Variants in TCP11L2 observed in about 807,000 individuals in gnomAD.
TCP11L2 encodes t-complex 11 like 2.
TCP11L2 carries 39 observed loss-of-function variants against 50.7 expected under a neutral mutation model. The ratio of observed to expected loss-of-function variants is 0.77; its 90% CI spans 0.60 to 1.01. The LOEUF (loss-of-function observed/expected upper bound fraction) is 1.01. Among genes scored for constraint, TCP11L2 ranks in the 50% least tolerant of loss-of-function variants. TCP11L2 has a pLI of 0.00. For missense variants in TCP11L2, 612 were observed against 614.7 expected, an observed-to-expected ratio of 1.00 and a Z score of 0.05; for synonymous variants, 192 against 219.3, an observed-to-expected ratio of 0.88 and a Z score of 1.10.
At chr12:106,334,459 A>G (rs1803920479) in intron 6 of TCP11L2, among the ~76,000 whole-genome samples, 1 of 152,116 alleles carries the variant, frequency 6.6e-6, no homozygotes, top group Admixed American at 6.5e-5. Flanking sequence ...AGTGGTCACC[A>G]AGACCTGTGG....
chr12:106,318,295 A>G (rs1010585251), intron 3 of TCP11L2, 49 bp from the exon 4 acceptor site: 4 of 1,586,310 alleles, frequency 2.5e-6, no homozygotes, highest in African/African-American at 2.7e-5. Context: ...TTTTATAATC[A>G]GGAAAAAGTT....
chr12:106,322,221 AG>A (rs1391562830), intron 5 of TCP11L2, among the ~76,000 whole-genome samples: 1 of 152,182 alleles, frequency 6.6e-6, no homozygotes, highest in Non-Finnish European at 1.5e-5. Context: ...CGTGTCATCC[AG>A]GGACCCAGCC....
Position 106,315,293 on chromosome 12 carries a change from A to G in TCP11L2, c.293+800A>G, listed in dbSNP as rs78576587. Among the ~76,000 whole-genome samples, 1,047 of 152,286 alleles carry G rather than the reference A, an allele frequency of 6.9e-3. 20 individuals carry two copies. The highest frequency in any genetic ancestry group is 0.024 in the African/African-American group (1,007 of 41,554). On this transcript the variant is annotated intron_variant, in intron 3 of 9. Transcript: ENST00000299045. ...TCCCCTAGGATACATATTACCCATA[A>G]TCTTTAGAACTCAGTTTATATGTCA... is the stretch of plus-strand genomic sequence containing the variant.
chr12:106,346,669 T>C lies in TCP11L2; in HGVS notation c.*139T>C. Reference sequence around the variant, plus strand: ...CCCAAATCTGTGTAATGGGTAATATTAGCATTACAGAAGACACACACATCA... The same window carrying C: ...CCCAAATCTGTGTAATGGGTAATATCAGCATTACAGAAGACACACACATCA... On this transcript the variant is annotated 3_prime_UTR_variant, in exon 10 of 10. Transcript: ENST00000299045. The C allele has an allele frequency of 9.6e-7, 1 of 1,037,670 alleles. No homozygotes were observed. The highest frequency in any genetic ancestry group is 1.4e-6 in the Non-Finnish European group (1 of 739,230). 64.3% of individuals were successfully genotyped at this position (1,037,670 alleles called of 1,614,324 possible).
upstream of TCP11L2, among the ~76,000 whole-genome samples, chr12:106,299,246 G>A (rs1254098777): frequency 1.3e-5 from 2 of 152,090 alleles, no homozygotes; most frequent in Non-Finnish European, 2.9e-5. Flanking sequence ...TTTTTAATGA[G>A]CCATAAGACC....
intron 4 of TCP11L2, 119 bp downstream of exon 4, chr12:106,318,583 G>A: frequency 7.8e-7 from 1 of 1,281,932 alleles, no homozygotes; most frequent in Non-Finnish European, 1.0e-6. Flanking sequence ...AGTACTGGAG[G>A]CTGGGAAGTC....
chr12:106,326,954 C>A (rs1267741066), intron 6 of TCP11L2, among the ~76,000 whole-genome samples: 3 of 152,170 alleles, frequency 2.0e-5, no homozygotes, highest in Non-Finnish European at 4.4e-5. Flanking sequence ...AACCCTACAT[C>A]GAACCTGGAT....
intron 1 of TCP11L2, among the ~76,000 whole-genome samples, chr12:106,305,866 AAAG>A (rs548939756): frequency 6.6e-6 from 1 of 152,234 alleles, no homozygotes; most frequent in African/African-American, 2.4e-5. Flanking sequence ...TGAGGAACGC[AAAG>A]AAGATCATGA....
At chr12:106,328,619 T>G (rs1431677128) in intron 6 of TCP11L2, among the ~76,000 whole-genome samples, 1 of 152,190 alleles carries the variant, frequency 6.6e-6, no homozygotes, top group Non-Finnish European at 1.5e-5. Context: ...AAGTCCAGAT[T>G]AAACCAAGCT....
chr12:106,313,859 G>C (rs1464247890), intron 2 of TCP11L2, among the ~76,000 whole-genome samples: 1 of 147,624 alleles, frequency 6.8e-6, no homozygotes, highest in East Asian at 2.0e-4. Flanking sequence ...TCCTCCTCCT[G>C]GGTTCACGCC....
intron 5 of TCP11L2, among the ~76,000 whole-genome samples, chr12:106,323,029 G>A (rs2136710944): frequency 6.6e-6 from 1 of 152,318 alleles, no homozygotes; most frequent in East Asian, 1.9e-4. Context: ...CACAGATGAG[G>A]AAACTGAGGC....
upstream of TCP11L2, among the ~76,000 whole-genome samples, chr12:106,300,895 A>C (rs1275170725): frequency 6.6e-6 from 1 of 152,168 alleles, no homozygotes; most frequent in Non-Finnish European, 1.5e-5. Context: ...AGTATAAAGG[A>C]CAACTACCCT....
In TCP11L2 at chr12:106,319,036, C is replaced by T. The variant is rs374808542; in HGVS notation, c.414+572C>T. ...ACGCCATTCTCCTGCCTCAGCCTCCCGAGTAGCTGGGACTACAGGCGCCCG... is the reference window on the plus strand; with the variant it reads ...ACGCCATTCTCCTGCCTCAGCCTCCTGAGTAGCTGGGACTACAGGCGCCCG... On this transcript the variant is annotated intron_variant, in intron 4 of 9. Coordinates refer to ENST00000299045, the MANE Select transcript of TCP11L2 (RefSeq NM_152772.3). Among the ~76,000 whole-genome samples, 7 of 152,230 alleles carry T rather than the reference C, an allele frequency of 4.6e-5. No individual in the cohort carries two copies. In the South Asian group the frequency reaches 8.3e-4, roughly 18 times the overall value.
chr12:106,305,860 G>T (rs1044654397), intron 1 of TCP11L2, among the ~76,000 whole-genome samples: 1 of 152,216 alleles, frequency 6.6e-6, no homozygotes, highest in Non-Finnish European at 1.5e-5. Flanking sequence ...CATGTCTGAG[G>T]AACGCAAAGA....
chr12:106,302,444 C>G (rs970974543), upstream of TCP11L2, among the ~76,000 whole-genome samples: 1 of 148,820 alleles, frequency 6.7e-6, no homozygotes, highest in Non-Finnish European at 1.5e-5. Context: ...CCCCAGTGCC[C>G]TGGCAGGCCC....
chr12:106,300,111 C>G (rs2034385849), upstream of TCP11L2, among the ~76,000 whole-genome samples: 1 of 151,290 alleles, frequency 6.6e-6, no homozygotes, highest in South Asian at 2.1e-4. Context: ...AATAATATGT[C>G]TTCTTCAAAT....
Position 106,339,632 on chromosome 12 carries a change from A to G in TCP11L2, c.1143-1194A>G, listed in dbSNP as rs181682364. Among the ~76,000 whole-genome samples, 1,213 of 152,262 alleles carry G rather than the reference A, an allele frequency of 8.0e-3. 17 individuals are homozygous for G. Among genetic ancestry groups the G allele is most frequent in the Non-Finnish European group, 0.012 (793 of 68,018 alleles). On this transcript the variant is annotated intron_variant, in intron 8 of 9. Transcript: ENST00000299045. ...ATAGTTAAGTCTTTAATCCATCTTG[A>G]GTTGATTTTTGTATCTGGTGAAAGG... is the stretch of plus-strand genomic sequence containing the variant.
intron 6 of TCP11L2, among the ~76,000 whole-genome samples, chr12:106,334,982 C>T (rs1466052008): frequency 6.6e-6 from 1 of 151,988 alleles, no homozygotes; most frequent in Non-Finnish European, 1.5e-5. Flanking sequence ...TTCAAAACTC[C>T]CCATTCCCAT....
rs1171244714 is a variant in TCP11L2, at chr12:106,335,807, A to G, written c.941A>G (p.Gln314Arg). ...TTGAAACTGTTACAGTGGGATTATCAGAAAAAAGAATTACCAGAGGTGAGT... is the reference window on the plus strand; with the variant it reads ...TTGAAACTGTTACAGTGGGATTATCGGAAAAAAGAATTACCAGAGGTGAGT... ...SYLKLLQWDY[Q>R]KKELPETLMT... Residue 314 changes from glutamine (Q) to arginine (R), a missense_variant, in exon 7 of 10, where the codon CAG (glutamine) becomes CGG (arginine). Transcript: ENST00000299045. 3 of 1,613,642 alleles carry G rather than the reference A, an allele frequency of 1.9e-6. No individual in the cohort carries two copies. Among genetic ancestry groups the G allele is most frequent in the African/African-American group, 2.7e-5 (2 of 74,914 alleles).
Sources: gnomAD v4.1 joint callset for allele counts (sites outside exome capture counted in the v4.1 genomes callset) on GRCh38, gnomAD v4.1.1 for gene constraint, MANE v1.5 for transcripts, NCBI Gene and HGNC (gene_info 2026-07-23, HGNC 2026-07-21) for gene names.